The following LIPF variants were observed in gnomAD, a reference collection of about 807,000 sequenced individuals.
LIPF encodes lipase F, gastric type.
LIPF carries 25 observed loss-of-function variants against 38.0 expected under a neutral mutation model. That is an observed-to-expected ratio of 0.66 (90% confidence interval 0.48 to 0.92). LIPF has a LOEUF of 0.92. LIPF is among the 40% of genes least tolerant of loss of function. The pLI is 0.00. For missense variants in LIPF, 410 were observed against 469.9 expected, an observed-to-expected ratio of 0.87 and a Z score of 1.18; for synonymous variants, 161 against 156.2, an observed-to-expected ratio of 1.03 and a Z score of -0.23.
intron 4 of LIPF, chr10:88,669,410 G>A (rs1294725029): frequency 6.2e-6 from 1 of 160,938 alleles, no homozygotes; most frequent in Non-Finnish European, 1.4e-5. Flanking sequence ...GCCTCATTCT[G>A]AGTGCACTGA....
chr10:88,665,540 G>A, intron 1 of LIPF: 1 of 1,535,416 alleles, frequency 6.5e-7, no homozygotes, highest in Non-Finnish European at 8.7e-7. Context: ...AGCCCATTGA[G>A]ATGTTCTCCA....
Position 88,668,660 on chromosome 10 carries a change from C to G in LIPF, c.326C>G (p.Ala109Gly). Reference sequence around the variant, plus strand: ...AGCCTTGCCTTCATTCTGGCAGATGCTGGTTATGATGTGTGGCTGGGCAAC... The same window carrying G: ...AGCCTTGCCTTCATTCTGGCAGATGGTGGTTATGATGTGTGGCTGGGCAAC... The part of the protein sequence containing the change: ...NNSLAFILAD[A>G]GYDVWLGNSR... Residue 109 changes from alanine to glycine, a missense_variant, in exon 4 of 10, where the codon GCT becomes GGT. By Grantham distance (60) the Ala-to-Gly change is moderately conservative. Coordinates refer to ENST00000238983, the MANE Select transcript of LIPF (RefSeq NM_004190.4). 1.2e-6 allele frequency: 2 copies of G among 1,614,180 alleles called. No individual in the cohort carries two copies. Among genetic ancestry groups the G allele is most frequent in the Non-Finnish European group, 1.7e-6 (2 of 1,180,006 alleles).
intron 3 of LIPF, among the ~76,000 whole-genome samples, chr10:88,667,904 G>C (rs1164870418): frequency 6.6e-6 from 1 of 152,154 alleles, no homozygotes; most frequent in Non-Finnish European, 1.5e-5. Context: ...TCAAGCCAAT[G>C]AAATAGATAA....
Position 88,669,822 on chromosome 10 carries a change from T to G in LIPF, c.423-15T>G. ...AGGAAATGTATTCACTTTCATTTTG[T>G]CTTTTTCCTTTCAGCTTTGATGAAA... On this transcript the variant is annotated splice_polypyrimidine_tract_variant and intron_variant, in intron 4 of 9. Coordinates refer to ENST00000238983, the MANE Select transcript of LIPF (RefSeq NM_004190.4). 1.9e-6 allele frequency: 3 copies of G among 1,549,598 alleles called. No homozygotes were observed. The highest frequency in any genetic ancestry group is 2.7e-6 in the Non-Finnish European group (3 of 1,124,736).
intron 1 of LIPF, chr10:88,665,512 T>G: frequency 6.5e-7 from 1 of 1,532,352 alleles, no homozygotes; most frequent in Non-Finnish European, 8.7e-7. Context: ...AAATTTATTC[T>G]GCCCTTGAAC....
At position 88,669,868 on chromosome 10, in the gene LIPF, G is replaced by A. The variant is rs1204915661; in HGVS notation, c.454G>A (p.Ala152Thr). ...TGAAATGGCTAAATATGACCTTCCA[G>A]CCACAATCGACTTCATTGTAAAGAA... is the stretch of plus-strand genomic sequence containing the variant. ...FDEMAKYDLP[A>T]TIDFIVKKTG... is the part of the protein sequence containing the mutation. The change falls in exon 5 of 10, where the codon GCC (alanine) becomes ACC (threonine). Residue 152 changes from alanine to threonine, a missense_variant. Ala to Thr is a moderately conservative substitution (Grantham distance 58). Coordinates refer to ENST00000238983, the MANE Select transcript of LIPF (RefSeq NM_004190.4). 5 of 1,613,330 alleles carry A rather than the reference G, an allele frequency of 3.1e-6. No homozygotes were observed. Among genetic ancestry groups the A allele is most frequent in the Non-Finnish European group, 4.2e-6 (5 of 1,179,468 alleles).
chr10:88,665,782 C>A (rs1221953413), intron 1 of LIPF, among the ~76,000 whole-genome samples: 1 of 121,358 alleles, frequency 8.2e-6, no homozygotes, highest in Non-Finnish European at 1.6e-5. Context: ...CTCACACTGT[C>A]TCCTGGGCTG....
At chr10:88,676,369 T>G in intron 9 of LIPF, 89 bp downstream of exon 9, 2 of 773,604 alleles carry the variant, frequency 2.6e-6, no homozygotes, top group Non-Finnish European at 4.3e-6. Flanking sequence ...TAACTGCGCA[T>G]CTGTTTTCCA....
chr10:88,673,845 T>C (rs1323594274), intron 7 of LIPF, 111 bp downstream of exon 7: 1 of 789,014 alleles, frequency 1.3e-6, no homozygotes, highest in Non-Finnish European at 2.1e-6. Context: ...AGAACTGCGA[T>C]ATCCTGATAA....
In LIPF at chr10:88,673,738, A is replaced by G. The variant is rs1564960225; in HGVS notation, c.816+4A>G. The G allele has an allele frequency of 6.2e-7, 1 of 1,604,356 alleles. No individual in the cohort carries two copies. Among genetic ancestry groups the G allele is most frequent in the East Asian group, 2.2e-5 (1 of 44,792 alleles). The stretch of plus-strand genomic sequence containing the variant: ...TGACAGTAAGAACTTTAACACGGTT[A>G]GTATGCATTTCAATTTCTATATTTT... On this transcript the variant is annotated splice_donor_region_variant and intron_variant, in intron 7 of 9. Transcript: ENST00000238983.
chr10:88,665,312 TATC>T (rs17286958), intron 1 of LIPF, among the ~76,000 whole-genome samples: 2,154 of 152,346 alleles, frequency 0.014, 34 homozygotes, highest in Middle Eastern at 0.071. Context: ...TTACTTTTGT[TATC>T]ATAATGAATT....
chr10:88,669,150 T>A, intron 4 of LIPF: 1 of 175,370 alleles, frequency 5.7e-6, no homozygotes, highest in Non-Finnish European at 1.2e-5. Context: ...GAGAGTGAAA[T>A]TCAGATATCA....
intron 5 of LIPF, among the ~76,000 whole-genome samples, 184 bp from the exon 6 acceptor site, chr10:88,671,645 T>C (rs555061349): frequency 1.1e-4 from 16 of 152,160 alleles, no homozygotes; most frequent in Non-Finnish European, 2.9e-5. Flanking sequence ...CATAGAAAAA[T>C]CTATGAAAAT....
At chr10:88,666,290 T>C (rs578131305) in intron 1 of LIPF, among the ~76,000 whole-genome samples, 3 of 152,328 alleles carry the variant, frequency 2.0e-5, no homozygotes, top group Non-Finnish European at 4.4e-5. Flanking sequence ...CATTCTTCAC[T>C]GTATTCAAGT....
At chr10:88,678,069 G>A (rs1228959758) in intron 9 of LIPF, among the ~76,000 whole-genome samples, 1 of 152,140 alleles carries the variant, frequency 6.6e-6, no homozygotes, top group South Asian at 2.1e-4. Flanking sequence ...CCCTTAGCTT[G>A]AGTTGCAATC....
At chr10:88,667,484 C>A in intron 2 of LIPF, 82 bp downstream of exon 2, 1 of 1,039,062 alleles carries the variant, frequency 9.6e-7, no homozygotes, top group Non-Finnish European at 1.5e-6. Flanking sequence ...TTTTATATGA[C>A]CAATTAAAAA....
rs958389510 is a variant in LIPF at position 88,667,167 on chromosome 10, A to G, written c.-11-120A>G. 1.6e-5 allele frequency: 9 copies of G among 569,672 alleles called. No homozygotes were observed. In the Admixed American group the frequency reaches 1.7e-4, roughly 11 times the overall value. 35.3% of individuals were successfully genotyped at this position (569,672 alleles called of 1,614,324 possible). ...TCCATATGTCTCATTTTATTGCCCAATGGAATATAATCAAACCCAAGCATT... is the reference window on the plus strand; with the variant it reads ...TCCATATGTCTCATTTTATTGCCCAGTGGAATATAATCAAACCCAAGCATT... On this transcript the variant is annotated intron_variant, in intron 1 of 9. Coordinates refer to ENST00000238983, the MANE Select transcript of LIPF (RefSeq NM_004190.4).
At chr10:88,668,917 C>T in intron 4 of LIPF, 161 bp downstream of exon 4, 1 of 620,712 alleles carries the variant, frequency 1.6e-6, no homozygotes, top group South Asian at 2.3e-5. Flanking sequence ...GTACCTCATT[C>T]CTAGGGTAGC....
At position 88,675,592 on chromosome 10, in the gene LIPF, T is replaced by C. The variant is rs1450555907; in HGVS notation, c.823T>C (p.Leu275=). The stretch of plus-strand genomic sequence containing the variant: ...TGTGTCTGTTGATTTCTAGAGTCGC[T>C]TGGATGTGTATCTATCACATAATCC... ...FDSKNFNTSR[L]DVYLSHNPAG... Residue 275 remains leucine, a synonymous_variant, in exon 8 of 10, where the codon TTG becomes CTG. Coordinates refer to ENST00000238983, the MANE Select transcript of LIPF (RefSeq NM_004190.4). 6.4e-7 allele frequency: 1 copy of C among 1,561,474 alleles called. No homozygotes were observed. The highest frequency in any genetic ancestry group is 8.8e-7 in the Non-Finnish European group (1 of 1,134,804).
Sources: allele counts gnomAD v4.1 joint callset (sites outside exome capture counted in the v4.1 genomes callset), GRCh38; gene constraint gnomAD v4.1.1; transcripts MANE v1.5; gene names NCBI Gene and HGNC (gene_info 2026-07-23, HGNC 2026-07-21).